CELSR2: variants seen among roughly 807,000 people sequenced by gnomAD.
The protein encoded by CELSR2 is EGF-like protein 2.
In CELSR2, 81 loss-of-function variants were observed where a neutral mutation model predicts 251.6. The observed-to-expected ratio is 0.32, with a 90% confidence interval of 0.27 to 0.39. The LOEUF is 0.39. CELSR2 is among the 10% of genes least tolerant of loss of function. The pLI is 1.00. For missense variants in CELSR2, 3,365 were observed against 3,947.7 expected (o/e 0.85, Z 3.96); for synonymous variants, 1,721 against 1,670.5 (o/e 1.03, Z -0.74).
At position 109,251,237 on chromosome 1, in the gene CELSR2, C is replaced by T; in HGVS notation, c.1158C>T (p.Phe386=). ...CTCGGAGTACCACAGCCGCTGTTTTCCTTTCTGTGGAGGATGACAATGATA... is the reference window on the plus strand; with the variant it reads ...CTCGGAGTACCACAGCCGCTGTTTTTCTTTCTGTGGAGGATGACAATGATA... ...PGPRSTTAAV[F]LSVEDDNDNA... is the part of the protein sequence containing the mutation. Residue 386 remains phenylalanine (F), a synonymous_variant, in exon 1 of 34, where the codon TTC becomes TTT. Coordinates refer to ENST00000271332, the MANE Select transcript of CELSR2 (RefSeq NM_001408.3). This position sits in a 1 kb window ranked among gnomAD's most constrained non-coding sequence, Gnocchi z 4.9. 1.2e-6 allele frequency: 2 copies of T among 1,613,798 alleles called. No homozygotes were observed. The highest frequency in any genetic ancestry group is 8.5e-7 in the Non-Finnish European group (1 of 1,179,974).
In CELSR2 at chr1:109,252,005, C is replaced by T. The variant is rs1570774774; in HGVS notation, c.1926C>T (p.Val642=). Residue 642 remains valine (V), a synonymous_variant, in exon 1 of 34, where the codon GTC becomes GTT. Coordinates refer to ENST00000271332, the MANE Select transcript of CELSR2 (RefSeq NM_001408.3). The surrounding 1 kb of genome is among the most constrained non-coding windows in gnomAD (Gnocchi z 4.8). The stretch of plus-strand genomic sequence containing the variant: ...CTGTGGACCGTGATGCTCATAGTGT[C>T]ATCACCTACCAGATCACCAGTGGCA... ...VSAVDRDAHS[V]ITYQITSGNT... The T allele has an allele frequency of 6.2e-7, 1 of 1,614,130 alleles. No homozygotes were observed. The highest frequency in any genetic ancestry group is 8.5e-7 in the Non-Finnish European group (1 of 1,180,030).
intron 2 of CELSR2, among the ~76,000 whole-genome samples, chr1:109,259,626 T>G (rs1655964374): frequency 6.6e-6 from 1 of 152,066 alleles, no homozygotes; most frequent in South Asian, 2.1e-4. Context: ...CTGAGCGAGT[T>G]CCTTTTCTGA....
Position 109,268,608 on chromosome 1 carries a change from C to G in CELSR2, c.6346C>G (p.Leu2116Val). The change falls in exon 18 of 34, where the codon CTG becomes GTG. Residue 2116 changes from leucine (L) to valine (V), a missense_variant. Around this residue, in one of 5 missense-constraint regions of CELSR2, gnomAD observed 2,093 missense variants for 2,382.8 expected, o/e 0.88. Transcript: ENST00000271332. Reference sequence around the variant, plus strand: ...TCTGCTGCGGGTGGGCAGCGCCCTCCTGGACACAGCCAACAAGCGGCACTG... The same window carrying G: ...TCTGCTGCGGGTGGGCAGCGCCCTCGTGGACACAGCCAACAAGCGGCACTG... ...ENLLRVGSAL[L>V]DTANKRHWEL... 1.2e-6 allele frequency: 2 copies of G among 1,613,366 alleles called. No homozygotes were observed. Among genetic ancestry groups the G allele is most frequent in the Non-Finnish European group, 1.7e-6 (2 of 1,179,772 alleles).
Position 109,267,449 on chromosome 1 carries a change from G to A in CELSR2, c.6014-99G>A, listed in dbSNP as rs562475616. On this transcript the variant is annotated intron_variant, in intron 15 of 33. Coordinates refer to ENST00000271332, the MANE Select transcript of CELSR2 (RefSeq NM_001408.3). ...CCCTTGTTTGCTAGTTACTGTCCCC[G>A]GCCCATGAGGTGCTGGCCTCCAGCA... 2.3e-5 allele frequency: 25 copies of A among 1,073,546 alleles called. No individual in the cohort carries two copies. The highest frequency in any genetic ancestry group is 1.4e-4 in the East Asian group (6 of 41,766). The allele number at this position is 1,073,546 out of a possible 1,614,324, so 66.5% of individuals were successfully genotyped here. A position where few individuals can be genotyped will look rare whatever the true frequency, so the allele number is the denominator to read the frequency against.
chr1:109,258,911 C>T lies in CELSR2; in HGVS notation c.3790C>T (p.Arg1264Trp), dbSNP rs781423840. The change falls in exon 2 of 34, where the codon CGG becomes TGG. Residue 1264 changes from arginine (R) to tryptophan (W), a missense_variant. Transcript: ENST00000271332. ...PFIASSSVLF[R>W]PIHPVGGLRC... is the part of the protein sequence containing the mutation. ...CATCGCCTCCTCCTCCGTGCTCTTC[C>T]GGCCCATCCACCCCGTCGGAGGGCT... 1 of 1,612,338 alleles carries T rather than the reference C, an allele frequency of 6.2e-7. No homozygotes were observed. Among genetic ancestry groups the T allele is most frequent in the South Asian group, 1.1e-5 (1 of 90,936 alleles).
chr1:109,253,433 G>C (rs1427612345), intron 1 of CELSR2, 44 bp downstream of exon 1: 2 of 1,567,970 alleles, frequency 1.3e-6, no homozygotes, highest in Non-Finnish European at 1.7e-6. Context: ...GTAGCTCGCG[G>C]GGATGGTCTG....
In CELSR2 at chr1:109,274,097, C is replaced by G. The variant is rs368113729; in HGVS notation, c.*48C>G. On this transcript the variant is annotated 3_prime_UTR_variant, in exon 34 of 34. Coordinates refer to ENST00000271332, the MANE Select transcript of CELSR2 (RefSeq NM_001408.3). ...CCGAGGCTCCCTTCCCTTCCCCAGC[C>G]GCACTCATGCCCTGCTCCTGTCTTG... 1.5e-5 allele frequency: 25 copies of G among 1,613,662 alleles called. No homozygotes were observed. The highest frequency in any genetic ancestry group is 1.6e-4 in the Middle Eastern group (1 of 6,082).
At position 109,249,947 on chromosome 1, in the gene CELSR2, G is replaced by A; in HGVS notation, c.-133G>A. 5 of 827,924 alleles carry A rather than the reference G, an allele frequency of 6.0e-6. No individual in the cohort carries two copies. The highest frequency in any genetic ancestry group is 5.9e-5 in the South Asian group (1 of 16,962). 51.3% of individuals were successfully genotyped at this position (827,924 alleles called of 1,614,324 possible). On this transcript the variant is annotated 5_prime_UTR_variant, in exon 1 of 34. Transcript: ENST00000271332. ...GTCCCGCCGAGCCATCCAGACGCAG[G>A]CCCCGCGGGGCGCACGGGAGGCCCC...
Position 109,270,916 on chromosome 1 carries a change from C to G in CELSR2, c.7484-11C>G, listed in dbSNP as rs1474724528. The G allele has an allele frequency of 6.2e-7, 1 of 1,602,196 alleles. No individual in the cohort carries two copies. The highest frequency in any genetic ancestry group is 1.7e-5 in the Admixed American group (1 of 59,102). Reference sequence around the variant, plus strand: ...ACCCCTCCACTGCTCCCGTCTGTCTCCATGCTCCAGGGCTAGCCGTGGGCC... The same window carrying G: ...ACCCCTCCACTGCTCCCGTCTGTCTGCATGCTCCAGGGCTAGCCGTGGGCC... On this transcript the variant is annotated splice_polypyrimidine_tract_variant and intron_variant, in intron 24 of 33. Coordinates refer to ENST00000271332, the MANE Select transcript of CELSR2 (RefSeq NM_001408.3).
At position 109,251,229 on chromosome 1, in the gene CELSR2, G is replaced by A. The variant is rs149311467; in HGVS notation, c.1150G>A (p.Ala384Thr). Residue 384 changes from alanine (A) to threonine (T), a missense_variant, in exon 1 of 34, where the codon GCT (alanine) becomes ACT (threonine). By Grantham distance (58) the Ala-to-Thr change is moderately conservative. Coordinates refer to ENST00000271332, the MANE Select transcript of CELSR2 (RefSeq NM_001408.3). The surrounding 1 kb of genome is among the most constrained non-coding windows in gnomAD (Gnocchi z 4.9). ...RDPGPRSTTA[A>T]VFLSVEDDND... is the part of the protein sequence containing the mutation. The stretch of plus-strand genomic sequence containing the variant: ...CCCGGGTCCTCGGAGTACCACAGCC[G>A]CTGTTTTCCTTTCTGTGGAGGATGA... 144 of 1,613,888 alleles carry A rather than the reference G, an allele frequency of 8.9e-5. No homozygotes were observed. Among genetic ancestry groups the A allele is most frequent in the South Asian group, 2.6e-4 (24 of 91,082 alleles).
chr1:109,269,244 G>T lies in CELSR2; in HGVS notation c.6766G>T (p.Ala2256Ser), dbSNP rs1322208434. Reference sequence around the variant, plus strand: ...CAGCGTCATCATCTACCGCACCCTGGCCGGGCTACTGCCTCATAACTATGA... The same window carrying T: ...CAGCGTCATCATCTACCGCACCCTGTCCGGGCTACTGCCTCATAACTATGA... ...VASVIIYRTL[A>S]GLLPHNYDPD... Residue 2256 changes from alanine (A) to serine (S), a missense_variant, in exon 20 of 34, where the codon GCC becomes TCC. Ala to Ser is a moderately conservative substitution (Grantham distance 99). Transcript: ENST00000271332. This position sits in a 1 kb window ranked among gnomAD's most constrained non-coding sequence, Gnocchi z 6.4. 6.2e-7 allele frequency: 1 copy of T among 1,613,118 alleles called. No individual in the cohort carries two copies. The highest frequency in any genetic ancestry group is 2.2e-5 in the East Asian group (1 of 44,884).
rs777929072 is a variant in CELSR2, at chr1:109,272,622, A to G, written c.8055-18A>G. 1.9e-6 allele frequency: 3 copies of G among 1,608,536 alleles called. No homozygotes were observed. The highest frequency in any genetic ancestry group is 2.6e-6 in the Non-Finnish European group (3 of 1,175,686). ...AAGGGGCCAGGCTGACCCCTCCAGCATGGTCTCATCTTCCTAGGGAGGAGT... is the reference window on the plus strand; with the variant it reads ...AAGGGGCCAGGCTGACCCCTCCAGCGTGGTCTCATCTTCCTAGGGAGGAGT... On this transcript the variant is annotated intron_variant, in intron 29 of 33. Transcript: ENST00000271332.
At position 109,267,959 on chromosome 1, in the gene CELSR2, G is replaced by A. The variant is rs1402805645; in HGVS notation, c.6217G>A (p.Asp2073Asn). Residue 2073 changes from aspartate to asparagine, a missense_variant, in exon 17 of 34, where the codon GAC becomes AAC. Asp to Asn is a conservative substitution (Grantham distance 23). Transcript: ENST00000271332. ...TQHTAGYFGS[D>N]VKVAYQLATR... ...GCACACAGCTGGCTACTTCGGCAGCGACGTCAAGGTGGCCTACCAGCTGGC... is the reference window on the plus strand; with the variant it reads ...GCACACAGCTGGCTACTTCGGCAGCAACGTCAAGGTGGCCTACCAGCTGGC... 1.9e-6 allele frequency: 3 copies of A among 1,611,650 alleles called. No homozygotes were observed. The highest frequency in any genetic ancestry group is 2.5e-6 in the Non-Finnish European group (3 of 1,179,816).
chr1:109,263,468 C>G (rs903885056), intron 8 of CELSR2, 143 bp from the exon 9 acceptor site: 1 of 1,388,522 alleles, frequency 7.2e-7, no homozygotes. Flanking sequence ...TGGGGCGGTC[C>G]CAGGGCAGGT....
Position 109,250,653 on chromosome 1 carries a change from G to C in CELSR2, c.574G>C (p.Glu192Gln). ...CCCCAGCTACCAGGCCACAGTGCCG[G>C]AGAACCAGCCAGCAGGCACCCCTGT... ...QPPSYQATVP[E>Q]NQPAGTPVAS... is the part of the protein sequence containing the mutation. The change falls in exon 1 of 34, where the codon GAG becomes CAG. Residue 192 changes from glutamate (E) to glutamine (Q), a missense_variant. Physicochemically the swap from Glu to Gln is conservative, Grantham distance 29 (BLOSUM62 2). Coordinates refer to ENST00000271332, the MANE Select transcript of CELSR2 (RefSeq NM_001408.3). The surrounding 1 kb of genome is among the most constrained non-coding windows in gnomAD (Gnocchi z 4.4). The C allele has an allele frequency of 6.2e-7, 1 of 1,614,086 alleles. No homozygotes were observed. Among genetic ancestry groups the C allele is most frequent in the Non-Finnish European group, 8.5e-7 (1 of 1,180,014 alleles).
Position 109,270,388 on chromosome 1 carries a change from G to A in CELSR2, c.7309-38G>A, listed in dbSNP as rs371177845. The stretch of plus-strand genomic sequence containing the variant: ...CGAAGCAGAGCCTGTGCTCTGGGCG[G>A]GCCCCGGTCGCTGACCTGCCCTGGC... On this transcript the variant is annotated intron_variant, in intron 23 of 33. Coordinates refer to ENST00000271332, the MANE Select transcript of CELSR2 (RefSeq NM_001408.3). 12 of 1,609,028 alleles carry A rather than the reference G, an allele frequency of 7.5e-6. No homozygotes were observed. In the Middle Eastern group the frequency reaches 5.1e-4, roughly 68 times the overall value.
Position 109,252,403 on chromosome 1 carries a change from A to G in CELSR2, c.2324A>G (p.Tyr775Cys), listed in dbSNP as rs1655720272. The G allele has an allele frequency of 6.2e-7, 1 of 1,613,178 alleles. No homozygotes were observed. Among genetic ancestry groups the G allele is most frequent in the East Asian group, 2.2e-5 (1 of 44,896 alleles). The change falls in exon 1 of 34, where the codon TAT (tyrosine) becomes TGT (cysteine). Residue 775 changes from tyrosine (Y) to cysteine (C), a missense_variant. By Grantham distance (194) the Tyr-to-Cys change is radical. Around this residue, in one of 5 missense-constraint regions of CELSR2, gnomAD observed 505 missense variants for 660.0 expected, o/e 0.77. Transcript: ENST00000271332. The surrounding 1 kb of genome is among the most constrained non-coding windows in gnomAD (Gnocchi z 4.8). The stretch of plus-strand genomic sequence containing the variant: ...GTCACCACCCAGGCTGAGCTGGACT[A>G]TGAAGACCAAGTGTCTTACACCCTG... ...GAVTTQAELD[Y>C]EDQVSYTLAI... is the part of the protein sequence containing the mutation.
rs778307874 is a variant in CELSR2, at chr1:109,273,690, CG to C, written c.8744+23del. 1.5e-5 allele frequency: 7 copies of C among 467,538 alleles called. No homozygotes were observed. Among genetic ancestry groups the C allele is most frequent in the South Asian group, 1.2e-4 (6 of 49,798 alleles). 29.0% of individuals were successfully genotyped at this position (467,538 alleles called of 1,614,324 possible). A position where few individuals can be genotyped will look rare whatever the true frequency, so the allele number is the denominator to read the frequency against. ...CTCCGAGTGAGTGTGGCCGGGTGGG[CG>C]GGACGGGGTGCAGCCCCTCGGAGGC... On this transcript the variant is annotated intron_variant, in intron 33 of 33. Transcript: ENST00000271332.
In CELSR2 at chr1:109,269,889, C is replaced by T. The variant is rs1656319418; in HGVS notation, c.7108-44C>T. ...AGGGCACGGGGCTGGGTGCTCAGGT[C>T]CTGCCCTTCCTAATTCCCTGGCCCC... is the stretch of plus-strand genomic sequence containing the variant. On this transcript the variant is annotated intron_variant, in intron 22 of 33. Coordinates refer to ENST00000271332, the MANE Select transcript of CELSR2 (RefSeq NM_001408.3). This position sits in a 1 kb window ranked among gnomAD's most constrained non-coding sequence, Gnocchi z 6.4. 3.7e-6 allele frequency: 6 copies of T among 1,613,872 alleles called. No individual in the cohort carries two copies. Among genetic ancestry groups the T allele is most frequent in the Non-Finnish European group, 5.1e-6 (6 of 1,179,882 alleles).
Sources: allele counts gnomAD v4.1 joint callset (sites outside exome capture counted in the v4.1 genomes callset), GRCh38; gene constraint gnomAD v4.1.1; regional missense constraint gnomAD v4.1.1; non-coding constraint Gnocchi (gnomAD v3.1); transcripts MANE v1.5; gene names NCBI Gene and HGNC (gene_info 2026-07-23, HGNC 2026-07-21).